Variants in PTPRM observed in about 807,000 individuals in gnomAD.
The protein encoded by PTPRM is receptor-type tyrosine-protein phosphatase mu.
PTPRM carries 47 observed loss-of-function variants against 186.7 expected under a neutral mutation model. The observed-to-expected ratio is 0.25, with a 90% CI of 0.20 to 0.32. The LOEUF is 0.32. Among genes scored for constraint, PTPRM ranks in the 10% least tolerant of loss-of-function variants. The probability of loss-of-function intolerance (pLI) is 1.00; values close to 1 mark genes in which losing one functional copy is unlikely to be tolerated. For synonymous variants in PTPRM, 668 were observed against 674.9 expected (o/e 0.99, Z 0.16); for missense variants, 1,494 against 1,865.0 (o/e 0.80, Z 3.66).
chr18:8,368,419 G>T (rs12454571), intron 23 of PTPRM, among the ~76,000 whole-genome samples: 37,205 of 151,878 alleles, frequency 0.24, 5,221 homozygotes, highest in Non-Finnish European at 0.32. Flanking sequence ...AGATATTATA[G>T]ATAAGCCCTT....
intron 2 of PTPRM, among the ~76,000 whole-genome samples, chr18:7,839,268 G>A (rs758489916): frequency 1.3e-5 from 2 of 152,120 alleles, no homozygotes; most frequent in South Asian, 2.1e-4. Flanking sequence ...GTCTTGCCTC[G>A]TATAGCCACC....
intron 1 of PTPRM, among the ~76,000 whole-genome samples, chr18:7,657,865 T>C (rs894915564): frequency 3.3e-5 from 5 of 152,234 alleles, no homozygotes; most frequent in Admixed American, 6.5e-5. Flanking sequence ...GGGAAGAACA[T>C]TGTGTTGTCA....
At chr18:8,032,801 A>G (rs1328748208) in intron 7 of PTPRM, among the ~76,000 whole-genome samples, 2 of 152,144 alleles carry the variant, frequency 1.3e-5, no homozygotes, top group Non-Finnish European at 2.9e-5. Flanking sequence ...ACCAGAAATG[A>G]GTTATTTACT....
At chr18:7,680,378 A>G (rs867605148) in intron 1 of PTPRM, among the ~76,000 whole-genome samples, 8 of 152,160 alleles carry the variant, frequency 5.3e-5, no homozygotes, top group Middle Eastern at 3.2e-3. Context: ...GCAGCGTGCC[A>G]TATTCAACTT....
At chr18:8,156,680 C>G (rs1600891411) in intron 14 of PTPRM, among the ~76,000 whole-genome samples, 1 of 152,296 alleles carries the variant, frequency 6.6e-6, no homozygotes, top group Non-Finnish European at 1.5e-5. Flanking sequence ...GCACCTTGCT[C>G]TGTAAAGCTC....
intron 14 of PTPRM, among the ~76,000 whole-genome samples, chr18:8,195,198 G>A (rs1325499039): frequency 7.5e-6 from 1 of 133,180 alleles, no homozygotes; most frequent in Non-Finnish European, 1.5e-5. Context: ...GGGAAAGCTA[G>A]TTACAGAGGC....
At chr18:7,695,809 A>G (rs2039830950) in intron 1 of PTPRM, among the ~76,000 whole-genome samples, 1 of 152,210 alleles carries the variant, frequency 6.6e-6, no homozygotes, top group South Asian at 2.1e-4. Flanking sequence ...TGTGGTCTCC[A>G]CTTTGTATCA....
rs537564476 is a variant in PTPRM, at chr18:7,840,871, C to T, written c.197-47235C>T. ...GGTCAATGTGTTTGTTATATTAAAA[C>T]TAACATAAATTTTAGTGGAAGTTTG... On this transcript the variant is annotated intron_variant, in intron 2 of 32. Coordinates refer to ENST00000580170, the MANE Select transcript of PTPRM (RefSeq NM_001105244.2). Among the ~76,000 whole-genome samples the T allele has an allele frequency of 9.9e-5, 15 of 152,282 alleles. No homozygotes were observed. In the East Asian group the frequency reaches 2.7e-3, roughly 27 times the overall value.
chr18:7,998,322 A>T (rs1456754507), intron 7 of PTPRM, among the ~76,000 whole-genome samples: 2 of 152,080 alleles, frequency 1.3e-5, no homozygotes, highest in African/African-American at 4.8e-5. Flanking sequence ...GTTGGAGCTA[A>T]AAAAGTTGAT....
At chr18:7,794,347 C>G (rs1383570536) in intron 2 of PTPRM, among the ~76,000 whole-genome samples, 1 of 152,188 alleles carries the variant, frequency 6.6e-6, no homozygotes, top group East Asian at 1.9e-4. Flanking sequence ...GTCGGAGCCC[C>G]TCACACTGCC....
At chr18:7,803,328 G>C (rs1324657663) in intron 2 of PTPRM, among the ~76,000 whole-genome samples, 4 of 152,108 alleles carry the variant, frequency 2.6e-5, no homozygotes, top group Admixed American at 6.5e-5. Flanking sequence ...GCTGCTTGCT[G>C]TCCTTGGGTT....
At chr18:8,100,758 C>T (rs117165694) in intron 11 of PTPRM, among the ~76,000 whole-genome samples, 25 of 152,162 alleles carry the variant, frequency 1.6e-4, no homozygotes, top group African/African-American at 5.1e-4. Context: ...ATTTGCAAAC[C>T]GAATTGCTCA....
chr18:8,119,698 T>C (rs1177649772), intron 13 of PTPRM, among the ~76,000 whole-genome samples: 1 of 152,156 alleles, frequency 6.6e-6, no homozygotes, highest in Non-Finnish European at 1.5e-5. Flanking sequence ...CCGAATTCAT[T>C]TTTTAAGGAA....
chr18:8,194,435 G>A (rs4798615), intron 14 of PTPRM, among the ~76,000 whole-genome samples: 82,620 of 152,100 alleles, frequency 0.54, 22,945 homozygotes, highest in East Asian at 0.84. Context: ...TCACTAGAAA[G>A]TGACGGCGGT....
chr18:8,187,333 G>A (rs1056486196), intron 14 of PTPRM, among the ~76,000 whole-genome samples: 1 of 152,154 alleles, frequency 6.6e-6, no homozygotes, highest in Non-Finnish European at 1.5e-5. Flanking sequence ...ATCTGTCTTG[G>A]GTCTGTGGTG....
intron 20 of PTPRM, among the ~76,000 whole-genome samples, chr18:8,300,518 AT>A (rs2095145169): frequency 1.3e-5 from 2 of 149,816 alleles, no homozygotes; most frequent in Non-Finnish European, 3.0e-5. Context: ...AAAAAAAAAA[AT>A]CAGCATGTTG....
intron 2 of PTPRM, among the ~76,000 whole-genome samples, chr18:7,858,019 A>G (rs926527094): frequency 6.6e-6 from 1 of 152,204 alleles, no homozygotes; most frequent in Non-Finnish European, 1.5e-5. Context: ...TTCTTGGGTT[A>G]TAAGGCTCTT....
At chr18:8,346,472 C>T (rs995457304) in intron 23 of PTPRM, among the ~76,000 whole-genome samples, 19 of 152,316 alleles carry the variant, frequency 1.2e-4, no homozygotes, top group African/African-American at 4.6e-4. Context: ...TGGGTGAGGG[C>T]CCCACCTTAA....
rs1454701398 is a variant in PTPRM, at chr18:7,906,507, G to C, written c.471G>C (p.Val157=). 1.9e-6 allele frequency: 3 copies of C among 1,610,044 alleles called. No homozygotes were observed. ...ISTFWPNFYQ[V]IFEVITSGHQ... ...GTAAATCTTTCTTAATTTTCCAGGT[G>C]ATTTTTGAAGTGATAACTTCTGGAC... Residue 157 remains valine (V), a splice_region_variant and synonymous_variant, in exon 4 of 33, where the codon GTG becomes GTC. Coordinates refer to ENST00000580170, the MANE Select transcript of PTPRM (RefSeq NM_001105244.2).
Sources: allele counts gnomAD v4.1 joint callset (sites outside exome capture counted in the v4.1 genomes callset), GRCh38; gene constraint gnomAD v4.1.1; transcripts MANE v1.5; gene names NCBI Gene and HGNC (gene_info 2026-07-23, HGNC 2026-07-21).